LILRA2: variants seen among roughly 807,000 people sequenced by gnomAD.
LILRA2 encodes the protein leukocyte immunoglobulin like receptor A2.
In LILRA2, 45 loss-of-function variants were observed where a neutral mutation model predicts 47.9. The observed-to-expected ratio is 0.94, with a 90% confidence interval of 0.74 to 1.20. The LOEUF is 1.20. LILRA2 is among the 50% of genes most tolerant of loss of function. The pLI, the probability that LILRA2 is intolerant of heterozygous loss-of-function variation, is 0.00. For synonymous variants in LILRA2, 279 were observed against 249.2 expected (o/e 1.12, Z -1.13); for missense variants, 651 against 598.2 (o/e 1.09, Z -0.92).
At chr19:54,586,357 T>C (rs2062807243) in intron 6 of LILRA2, among the ~76,000 whole-genome samples, 2 of 152,178 alleles carry the variant, frequency 1.3e-5, no homozygotes, top group African/African-American at 4.8e-5. Context: ...AGCACCAGCA[T>C]TTAACATATG....
intron 6 of LILRA2, chr19:54,577,356 C>T (rs1183831169): frequency 1.1e-6 from 1 of 913,498 alleles, no homozygotes; most frequent in Non-Finnish European, 1.5e-6. Context: ...CCAGGCCTGA[C>T]TTGGACACTG....
In LILRA2 at chr19:54,588,780, C is replaced by T. The variant is rs117855300; in HGVS notation, c.*1434C>T. The T allele has an allele frequency of 0.024, 3,654 of 151,928 alleles. 70 individuals carry two copies. The highest frequency in any genetic ancestry group is 0.038 in the Non-Finnish European group (2,594 of 67,970). The allele number at this position is 151,928 out of a possible 1,614,324, so 9.4% of individuals were successfully genotyped here. On this transcript the variant is annotated 3_prime_UTR_variant, in exon 8 of 8. Coordinates refer to ENST00000391738, the MANE Select transcript of LILRA2 (RefSeq NM_001130917.3). ...TCCCAGGTTCAAGCAATTCTCCTGC[C>T]TCTGCCTCCCGAGTTACTGGACTAC...
upstream of LILRA2, chr19:54,573,663 G>A (rs1375722399): frequency 2.3e-6 from 2 of 873,848 alleles, no homozygotes; most frequent in East Asian, 5.3e-5. Context: ...AGTCTGAAAT[G>A]TCTGCAGAGG....
At chr19:54,583,608 T>A (rs2062707251) in intron 6 of LILRA2, among the ~76,000 whole-genome samples, 1 of 151,384 alleles carries the variant, frequency 6.6e-6, no homozygotes, top group Non-Finnish European at 1.5e-5. Flanking sequence ...TTTTTTTTTT[T>A]CTTTCCATTT....
At chr19:54,577,325 TG>T (rs1238120094) in intron 6 of LILRA2, 24 of 508,828 alleles carry the variant, frequency 4.7e-5, no homozygotes, top group Non-Finnish European at 6.4e-5. Flanking sequence ...GAGAACAGGC[TG>T]GGTGGGGAGG....
rs112235102 is a variant in LILRA2 at position 54,574,872 on chromosome 19, G to T, written c.494G>T (p.Arg165Leu). ...CKEGEDEHPQ[R>L]LNSHSHARGW... is the part of the protein sequence containing the mutation. ...GAAGGAGAAGATGAACACCCACAAC[G>T]CCTGAACTCCCATTCCCATGCCCGT... The change falls in exon 4 of 8, where the codon CGC (arginine) becomes CTC (leucine). Residue 165 changes from arginine to leucine, a missense_variant. By Grantham distance (102) the Arg-to-Leu change is moderately radical. Transcript: ENST00000391738. 1.9e-6 allele frequency: 3 copies of T among 1,614,224 alleles called. No individual in the cohort carries two copies. The highest frequency in any genetic ancestry group is 1.7e-6 in the Non-Finnish European group (2 of 1,180,006).
intron 6 of LILRA2, among the ~76,000 whole-genome samples, chr19:54,578,481 T>C (rs58539744): frequency 8.4e-4 from 128 of 152,342 alleles, no homozygotes; most frequent in African/African-American, 3.1e-3. Flanking sequence ...CTGCATAGTA[T>C]TCCATGGTGT....
chr19:54,586,596 C>T (rs73936602), intron 6 of LILRA2, among the ~76,000 whole-genome samples: 7,820 of 152,204 alleles, frequency 0.051, 206 homozygotes, highest in South Asian at 0.16. Context: ...CCTCAGCTGG[C>T]GGATCCGTGA....
Position 54,579,193 on chromosome 19 carries a change from T to A in LILRA2, c.1255+3084T>A, listed in dbSNP as rs972246309. On this transcript the variant is annotated intron_variant, in intron 6 of 7. Coordinates refer to ENST00000391738, the MANE Select transcript of LILRA2 (RefSeq NM_001130917.3). ...CATGAAGTCCTTGCCCATGCCTATG[T>A]CCTGAATGGTATTGCCTAGGTTTTC... 5.3e-5 allele frequency among the ~76,000 whole-genome samples: 8 copies of A among 152,330 alleles called. No homozygotes were observed. The South Asian group carries it at 1.4e-3, about 28-fold the overall frequency.
chr19:54,581,520 C>T (rs112531179), intron 6 of LILRA2, among the ~76,000 whole-genome samples: 4,538 of 139,072 alleles, frequency 0.033, 93 homozygotes, highest in Non-Finnish European at 0.048. Context: ...TGTAGATATG[C>T]GGCATTATTT....
In LILRA2 at chr19:54,588,605, C is replaced by CAAAAAA. The variant is rs200173819; in HGVS notation, c.*1269_*1274dup. 10 of 105,456 alleles carry CAAAAAA rather than the reference C, an allele frequency of 9.5e-5. No homozygotes were observed. Among genetic ancestry groups the CAAAAAA allele is most frequent in the African/African-American group, 3.2e-4 (9 of 28,270 alleles). The allele number at this position is 105,456 out of a possible 1,614,324, so 6.5% of individuals were successfully genotyped here. ...TGGGCGACAGAGCAAGACTCCGTCT[C>CAAAAAA]AAAAAAAAAAAAAAATCCAAGTACA... On this transcript the variant is annotated 3_prime_UTR_variant, in exon 8 of 8. Coordinates refer to ENST00000391738, the MANE Select transcript of LILRA2 (RefSeq NM_001130917.3).
chr19:54,575,360 G>A lies in LILRA2; in HGVS notation c.760G>A (p.Val254Ile), dbSNP rs200023675. ...CTCTGATGTCGGCTACGACAGATTT[G>A]TTCTGTATAAGGAGGGAGAACGTGA... Reference protein sequence around the residue: ...CVSDVGYDRFVLYKEGERDFL... With the variant: ...CVSDVGYDRFILYKEGERDFL... Residue 254 changes from valine (V) to isoleucine (I), a missense_variant, in exon 5 of 8, where the codon GTT becomes ATT. Transcript: ENST00000391738. 66 of 1,614,122 alleles carry A rather than the reference G, an allele frequency of 4.1e-5. No individual in the cohort carries two copies. The highest frequency in any genetic ancestry group is 5.9e-6 in the Non-Finnish European group (7 of 1,179,992).
chr19:54,574,057 A>T lies in LILRA2; in HGVS notation c.35-19A>T, dbSNP rs762018461. On this transcript the variant is annotated intron_variant, in intron 1 of 7. Transcript: ENST00000391738. ...CCAGGCTTCAGGGGAAAAATCCCTC[A>T]CAGGGAACTCTCTTCCAGGGCTGAG... The T allele has an allele frequency of 6.2e-7, 1 of 1,613,112 alleles. No homozygotes were observed. The highest frequency in any genetic ancestry group is 1.1e-5 in the South Asian group (1 of 91,046).
chr19:54,583,835 G>A lies in LILRA2; in HGVS notation c.1256-3175G>A, dbSNP rs189728174. 1.7e-3 allele frequency among the ~76,000 whole-genome samples: 263 copies of A among 152,214 alleles called. 1 individual carries two copies. Among genetic ancestry groups the A allele is most frequent in the Admixed American group, 5.0e-3 (76 of 15,288 alleles). ...CATTATGATGTTAGCTGGTTATTTTGTCCATTAATTGATGCAGTTTCTTCA... is the reference window on the plus strand; with the variant it reads ...CATTATGATGTTAGCTGGTTATTTTATCCATTAATTGATGCAGTTTCTTCA... On this transcript the variant is annotated intron_variant, in intron 6 of 7. Transcript: ENST00000391738.
intron 6 of LILRA2, among the ~76,000 whole-genome samples, chr19:54,586,103 A>G (rs1248375056): frequency 6.6e-6 from 1 of 152,234 alleles, no homozygotes; most frequent in Non-Finnish European, 1.5e-5. Flanking sequence ...TTACATGCCA[A>G]TATTTCTCAA....
chr19:54,573,698 C>A, upstream of LILRA2: 3 of 1,428,694 alleles, frequency 2.1e-6, no homozygotes, highest in Non-Finnish European at 2.8e-6. Flanking sequence ...CCCACCTCAG[C>A]CCTAAAGGTA....
chr19:54,574,491 C>T lies in LILRA2; in HGVS notation c.261C>T (p.Ile87=). ...GKNGQFPIPS[I]TWEHAGRYHC... ...ATGGCCAGTTCCCCATCCCATCCATCACCTGGGAACACGCAGGGCGGTATC... is the reference window on the plus strand; with the variant it reads ...ATGGCCAGTTCCCCATCCCATCCATTACCTGGGAACACGCAGGGCGGTATC... The change falls in exon 3 of 8, where the codon ATC becomes ATT. Residue 87 remains isoleucine (I), a synonymous_variant. Transcript: ENST00000391738. 1 of 1,614,150 alleles carries T rather than the reference C, an allele frequency of 6.2e-7. No homozygotes were observed. The highest frequency in any genetic ancestry group is 1.3e-5 in the African/African-American group (1 of 75,032).
At chr19:54,587,178 A>G in intron 7 of LILRA2, 23 bp from the exon 8 acceptor site, 3 of 1,613,850 alleles carry the variant, frequency 1.9e-6, no homozygotes, top group Non-Finnish European at 2.5e-6. Flanking sequence ...ATCTGCCCTG[A>G]CCTCTGTGAC....
chr19:54,577,392 G>A (rs2062496732), intron 6 of LILRA2: 6 of 1,154,058 alleles, frequency 5.2e-6, no homozygotes, highest in Non-Finnish European at 6.7e-6. Context: ...TGATGGAGGA[G>A]GAAGAGAGGC....
Sources: gnomAD v4.1 joint callset for allele counts (sites outside exome capture counted in the v4.1 genomes callset) on GRCh38, gnomAD v4.1.1 for gene constraint, MANE v1.5 for transcripts, NCBI Gene and HGNC (gene_info 2026-07-23, HGNC 2026-07-21) for gene names.